Variants in RIF1 observed in about 807,000 individuals in gnomAD.
RIF1 encodes telomere-associated protein RIF1.
In RIF1, 45 loss-of-function variants were observed where a neutral mutation model predicts 247.1. That is an observed-to-expected ratio of 0.18 (90% CI 0.14 to 0.23). RIF1 has a LOEUF of 0.23. Among genes scored for constraint, RIF1 ranks in the 10% least tolerant of loss-of-function variants. The probability of loss-of-function intolerance (pLI) is 1.00; values close to 1 mark genes in which losing one functional copy is unlikely to be tolerated. For missense variants in RIF1, 2,967 were observed against 2,862.5 expected, an observed-to-expected ratio of 1.04 and a Z score of -0.83; for synonymous variants, 1,087 against 978.8, an observed-to-expected ratio of 1.11 and a Z score of -2.06.
chr2:151,522,895 G>A, the RIF1 span, among the ~76,000 whole-genome samples: 4 of 152,244 alleles, frequency 2.6e-5, no homozygotes, highest in Non-Finnish European at 4.4e-5. Flanking sequence ...CAGCTGAAGC[G>A]CCCTTGGGCC....
At chr2:151,491,249 T>A (rs1309058984) in intron 9 of RIF1, 1 of 161,182 alleles carries the variant, frequency 6.2e-6, no homozygotes, top group Admixed American at 6.0e-5. Flanking sequence ...TCCAGGCTAG[T>A]ATTCTGCTTT....
chr2:151,442,634 C>G (rs914794695), intron 16 of RIF1, among the ~76,000 whole-genome samples: 2 of 151,990 alleles, frequency 1.3e-5, no homozygotes, highest in African/African-American at 4.8e-5. Flanking sequence ...GTAAAATGCA[C>G]TTAGTATCTC....
chr2:151,443,773 G>T (rs748956692), intron 18 of RIF1, 64 bp downstream of exon 18: 6 of 972,766 alleles, frequency 6.2e-6, no homozygotes, highest in Non-Finnish European at 8.6e-6. Context: ...GTGCAGTTGG[G>T]GAAATGAATA....
chr2:151,449,930 C>T (rs1477435229), intron 20 of RIF1, among the ~76,000 whole-genome samples: 1 of 151,024 alleles, frequency 6.6e-6, no homozygotes, highest in Admixed American at 6.6e-5. Context: ...GCAACCTCTG[C>T]CTCCGGGTTC....
intron 11 of RIF1, chr2:151,502,781 C>A: frequency 6.6e-7 from 1 of 1,516,110 alleles, no homozygotes; most frequent in Non-Finnish European, 9.1e-7. Flanking sequence ...TTTTTGGCCC[C>A]CTAAGAAATA....
At position 151,426,168 on chromosome 2, in the gene RIF1, A is replaced by ATTTTTTTTTTTTTTTTTTTTTTTTTTT. The variant is rs35001554; in HGVS notation, c.787-2592_787-2591insTTTTTTTTTTTTTTTTTTTTTTTTTTT. ...TTTTTCAGGATTGTTTTGGCTTTTA[A>ATTTTTTTTTTTTTTTTTTTTTTTTTTT]TTTTTTTTTTTTTTTTTTTTTTTTG... On this transcript the variant is annotated intron_variant, in intron 8 of 35. Coordinates refer to ENST00000444746, the MANE Select transcript of RIF1 (RefSeq NM_018151.5). 1.2e-4 allele frequency among the ~76,000 whole-genome samples: 7 copies of ATTTTTTTTTTTTTTTTTTTTTTTTTTT among 58,212 alleles called. 1 individual carries two copies. The highest frequency in any genetic ancestry group is 1.2e-4 in the Non-Finnish European group (4 of 33,966). 38.2% of individuals were successfully genotyped at this position (58,212 alleles called of 152,430 possible).
the RIF1 span, among the ~76,000 whole-genome samples, chr2:151,529,947 T>TCATC: frequency 6.6e-6 from 1 of 152,146 alleles, no homozygotes; most frequent in Non-Finnish European, 1.5e-5. Context: ...TGATAACTGC[T>TCATC]GATGGAAGAG....
the RIF1 span, among the ~76,000 whole-genome samples, chr2:151,513,080 G>C: frequency 6.6e-6 from 1 of 152,188 alleles, no homozygotes; most frequent in Admixed American, 6.5e-5. Flanking sequence ...TATGGGTAAG[G>C]AGGGATCATC....
the RIF1 span, chr2:151,524,315 C>T: frequency 6.2e-7 from 1 of 1,613,252 alleles, no homozygotes; most frequent in Admixed American, 1.7e-5. Flanking sequence ...CATTACCTGG[C>T]TGCTCAGCTT....
intron 9 of RIF1, chr2:151,492,546 C>T (rs2057401599): frequency 1.5e-6 from 2 of 1,360,328 alleles, no homozygotes; most frequent in Non-Finnish European, 2.1e-6. Flanking sequence ...TCTGAAACCT[C>T]AAAGCCTTTC....
intron 31 of RIF1, 67 bp downstream of exon 31, chr2:151,468,213 C>A: frequency 1.4e-6 from 2 of 1,393,474 alleles, no homozygotes; most frequent in South Asian, 2.7e-5. Flanking sequence ...CATGATGTGT[C>A]ATAAAATGAA....
Position 151,503,399 on chromosome 2 carries a change from C to T in RIF1, c.*861+214C>T. The T allele has an allele frequency of 6.2e-7, 1 of 1,612,896 alleles. No homozygotes were observed. On this transcript the variant is annotated intron_variant and NMD_transcript_variant, in intron 12 of 13. Coordinates refer to the RIF1 transcript ENST00000454583. ...TTGACTCTCTCAATCTCTGGAGTCA[C>T]AGTGGTTGGAATGCCTGTTCCCAAG... is the stretch of plus-strand genomic sequence containing the variant.
intron 13 of RIF1, chr2:151,507,097 A>G (rs1339833463): frequency 2.3e-6 from 2 of 851,132 alleles, no homozygotes; most frequent in African/African-American, 3.4e-5. Flanking sequence ...GAAGAAAATT[A>G]AAATCCTGTA....
At chr2:151,512,019 CTTTTTTTTTT>C (rs71403173), downstream of RIF1, among the ~76,000 whole-genome samples, 195 of 93,582 alleles carry the variant, frequency 2.1e-3, 1 homozygote, top group East Asian at 8.0e-3. Context: ...CCCTCTCACT[CTTTTTTTTTT>C]TTTTTTTTTT....
In RIF1 at chr2:151,463,829, A is replaced by G. The variant is rs1414966918; in HGVS notation, c.4309A>G (p.Ser1437Gly). 1 of 1,611,934 alleles carries G rather than the reference A, an allele frequency of 6.2e-7. No homozygotes were observed. Among genetic ancestry groups the G allele is most frequent in the Non-Finnish European group, 8.5e-7 (1 of 1,179,498 alleles). The change falls in exon 30 of 36, where the codon AGT (serine) becomes GGT (glycine). Residue 1437 changes from serine to glycine, a missense_variant. Ser to Gly is a moderately conservative substitution (Grantham distance 56). Coordinates refer to ENST00000444746, the MANE Select transcript of RIF1 (RefSeq NM_018151.5). ...STTESQDKEN[S>G]HQKKERRKEE... ...CACTGAAAGCCAAGATAAGGAAAAT[A>G]GTCATCAAAAAAAGGAACGACGTAA...
chr2:151,533,601 A>G, the RIF1 span: 4 of 1,122,844 alleles, frequency 3.6e-6, no homozygotes, highest in East Asian at 1.1e-4. Context: ...ACAGAAAAGA[A>G]CACGGCTCTA....
chr2:151,468,391 G>T, intron 31 of RIF1, 83 bp from the exon 32 acceptor site: 1 of 1,131,746 alleles, frequency 8.8e-7, no homozygotes, highest in South Asian at 1.3e-5. Flanking sequence ...TTAAAGAAAT[G>T]ATTGCAGTCT....
the RIF1 span, chr2:151,531,036 G>T: frequency 6.2e-7 from 1 of 1,613,510 alleles, no homozygotes; most frequent in Non-Finnish European, 8.5e-7. Flanking sequence ...GCAGCAACAT[G>T]GGTGTGTCGT....
At chr2:151,496,812 G>T in intron 10 of RIF1, 1 of 1,178,388 alleles carries the variant, frequency 8.5e-7, no homozygotes, top group South Asian at 1.5e-5. Flanking sequence ...AAGGAAAAAA[G>T]GATAAATTTG....
Sources: gnomAD v4.1 joint callset for allele counts (sites outside exome capture counted in the v4.1 genomes callset) on GRCh38, gnomAD v4.1.1 for gene constraint, MANE v1.5 for transcripts, NCBI Gene and HGNC (gene_info 2026-07-23, HGNC 2026-07-21) for gene names.